CDK19: variants seen among roughly 807,000 people sequenced by gnomAD.
The protein encoded by CDK19 is cyclin-dependent kinase 19.
CDK19 carries 20 observed loss-of-function variants against 68.3 expected under a neutral mutation model. The ratio of observed to expected loss-of-function variants is 0.29; its 90% confidence interval spans 0.21 to 0.43. The LOEUF (loss-of-function observed/expected upper bound fraction) is 0.43. Ranked by LOEUF, CDK19 falls within the 20% of genes least tolerant of loss-of-function variation. The pLI, the probability that CDK19 is intolerant of heterozygous loss-of-function variation, is 1.00. For missense variants in CDK19, 339 were observed against 623.5 expected (o/e 0.54, Z 4.86); for synonymous variants, 221 against 222.8 (o/e 0.99, Z 0.07).
chr6:110,692,460 GAAC>G (rs1315178388), intron 2 of CDK19, among the ~76,000 whole-genome samples: 1 of 151,950 alleles, frequency 6.6e-6, no homozygotes, highest in Non-Finnish European at 1.5e-5. Context: ...TTTGAAAAAT[GAAC>G]AAAGTCTCCA....
upstream of CDK19, chr6:110,815,776 C>T (rs1209406034): frequency 1.3e-5 from 2 of 152,422 alleles, no homozygotes; most frequent in African/African-American, 4.8e-5. Context: ...ACTAGCCCCA[C>T]GCAGAGAGTA....
At chr6:110,696,375 A>T (rs1054812775) in intron 2 of CDK19, among the ~76,000 whole-genome samples, 1 of 152,246 alleles carries the variant, frequency 6.6e-6, no homozygotes, top group Non-Finnish European at 1.5e-5. Flanking sequence ...TCTATGACAA[A>T]CCCACAGGCA....
At chr6:110,699,925 G>A (rs1293770730) in intron 2 of CDK19, among the ~76,000 whole-genome samples, 1 of 152,156 alleles carries the variant, frequency 6.6e-6, no homozygotes, top group Non-Finnish European at 1.5e-5. Flanking sequence ...ACCCATACTG[G>A]CTCATGGCCT....
chr6:110,644,224 G>A (rs954316819), intron 4 of CDK19, among the ~76,000 whole-genome samples: 4 of 151,802 alleles, frequency 2.6e-5, no homozygotes, highest in African/African-American at 9.7e-5. Context: ...CCCCAGAGGC[G>A]GAGGTTGCAG....
chr6:110,675,086 T>C (rs1375007518), intron 2 of CDK19, among the ~76,000 whole-genome samples: 1 of 152,104 alleles, frequency 6.6e-6, no homozygotes, highest in Non-Finnish European at 1.5e-5. Flanking sequence ...CAGCAAGTTA[T>C]CCAAAAGATC....
chr6:110,740,653 G>T (rs1777588343), intron 2 of CDK19, among the ~76,000 whole-genome samples: 2 of 152,078 alleles, frequency 1.3e-5, no homozygotes, highest in African/African-American at 4.8e-5. Flanking sequence ...CAGTTATTCT[G>T]CAATCATAGT....
intron 4 of CDK19, among the ~76,000 whole-genome samples, chr6:110,642,582 C>T (rs142445125): frequency 3.6e-3 from 547 of 152,270 alleles, no homozygotes; most frequent in Middle Eastern, 0.02. Context: ...AAAGAGAATA[C>T]AAGAGATTGT....
At chr6:110,711,140 A>C (rs1423712760) in intron 2 of CDK19, among the ~76,000 whole-genome samples, 3 of 152,224 alleles carry the variant, frequency 2.0e-5, no homozygotes, top group Admixed American at 6.5e-5. Flanking sequence ...ATAAAACCTA[A>C]TGAAAAGAGG....
chr6:110,632,300 G>A (rs1779489098), intron 5 of CDK19, 139 bp from the exon 6 acceptor site: 1 of 630,988 alleles, frequency 1.6e-6, no homozygotes, highest in African/African-American at 1.8e-5. Context: ...ACCTTATAAA[G>A]CAATCCTTTT....
intron 2 of CDK19, among the ~76,000 whole-genome samples, chr6:110,686,853 G>A (rs946173032): frequency 2.6e-5 from 4 of 152,026 alleles, no homozygotes; most frequent in African/African-American, 9.7e-5. Context: ...GTGCAAACTT[G>A]GGCTATTTGG....
intron 2 of CDK19, among the ~76,000 whole-genome samples, chr6:110,683,676 T>C (rs75871302): frequency 1.3e-5 from 2 of 152,028 alleles, no homozygotes; most frequent in Non-Finnish European, 2.9e-5. Flanking sequence ...AGCATACCTA[T>C]TCTTTTTTAG....
At chr6:110,764,100 C>A (rs1779413272) in intron 1 of CDK19, among the ~76,000 whole-genome samples, 1 of 151,862 alleles carries the variant, frequency 6.6e-6, no homozygotes. Context: ...TAAAACAAAT[C>A]AAAAAAGATC....
intron 2 of CDK19, among the ~76,000 whole-genome samples, chr6:110,740,898 C>T (rs1350086592): frequency 6.6e-6 from 1 of 152,160 alleles, no homozygotes; most frequent in Non-Finnish European, 1.5e-5. Flanking sequence ...CTTATATACT[C>T]TGTCCTTCCA....
chr6:110,696,290 T>C (rs1165973303), intron 2 of CDK19, among the ~76,000 whole-genome samples: 1 of 151,884 alleles, frequency 6.6e-6, no homozygotes, highest in Non-Finnish European at 1.5e-5. Context: ...TTTGAAAAAA[T>C]CCAGTATCCC....
intron 8 of CDK19, among the ~76,000 whole-genome samples, chr6:110,626,479 A>G (rs1046504817): frequency 1.8e-4 from 27 of 152,234 alleles, no homozygotes; most frequent in African/African-American, 6.3e-4. Context: ...AAGGCCTTCC[A>G]GAATTGAGGG....
At chr6:110,755,724 T>C (rs1778791997) in intron 1 of CDK19, among the ~76,000 whole-genome samples, 1 of 152,234 alleles carries the variant, frequency 6.6e-6, no homozygotes, top group Non-Finnish European at 1.5e-5. Context: ...TTGTATGGTA[T>C]GCTGAAAACT....
At chr6:110,742,505 C>T (rs749548888) in intron 2 of CDK19, among the ~76,000 whole-genome samples, 4 of 152,082 alleles carry the variant, frequency 2.6e-5, no homozygotes, top group Non-Finnish European at 5.9e-5. Flanking sequence ...TGACTGCCTG[C>T]GGGGTCAGGC....
At chr6:110,780,729 G>A (rs939448606) in intron 1 of CDK19, among the ~76,000 whole-genome samples, 1 of 151,936 alleles carries the variant, frequency 6.6e-6, no homozygotes, top group Non-Finnish European at 1.5e-5. Flanking sequence ...TTAAAATACT[G>A]AATGATGAGC....
rs1281979042 is a variant in CDK19, at chr6:110,621,160, G to A, written c.1321C>T (p.Arg441Trp). 5 of 1,614,168 alleles carry A rather than the reference G, an allele frequency of 3.1e-6. No homozygotes were observed. Among genetic ancestry groups the A allele is most frequent in the Non-Finnish European group, 3.4e-6 (4 of 1,180,030 alleles). The change falls in exon 12 of 13, where the codon CGG becomes TGG. Residue 441 changes from arginine (R) to tryptophan (W), a missense_variant. Physicochemically the swap from Arg to Trp is moderately radical, Grantham distance 101. This residue lies in a region of CDK19 where 155 missense variants were observed against 222.7 expected (regional missense o/e 0.70). Transcript: ENST00000368911. The surrounding 1 kb of genome is among the most constrained non-coding windows in gnomAD (Gnocchi z 5.4). ...GAGTTTGCGCCTGAAGGCCCTAGCC[G>A]TGGCTTCTTGTTTGGAGGCACCTGG... ...LNQVPPNKKP[R>W]LGPSGANSGG...
Sources: gnomAD v4.1 joint callset for allele counts (sites outside exome capture counted in the v4.1 genomes callset) on GRCh38, gnomAD v4.1.1 for gene constraint, gnomAD v4.1.1 regional missense constraint, Gnocchi (gnomAD v3.1) non-coding constraint, MANE v1.5 for transcripts, NCBI Gene and HGNC (gene_info 2026-07-23, HGNC 2026-07-21) for gene names.